PHLDB2: variants seen among roughly 807,000 people sequenced by gnomAD.
PHLDB2 encodes pleckstrin homology like domain family B member 2, also known as pleckstrin homology-like domain family B member 2.
A neutral mutation model predicts 123.6 loss-of-function variants in PHLDB2; 71 were observed. The ratio of observed to expected loss-of-function variants is 0.57; its 90% CI spans 0.47 to 0.70. The LOEUF (loss-of-function observed/expected upper bound fraction) is 0.70. Among genes scored for constraint, PHLDB2 ranks in the 30% least tolerant of loss-of-function variants. The pLI is 0.00. For missense variants in PHLDB2, 1,446 were observed against 1,519.5 expected (o/e 0.95, Z 0.80); for synonymous variants, 547 against 541.6 (o/e 1.01, Z -0.14).
At chr3:111,898,871 G>T (rs1406219912) in intron 2 of PHLDB2, among the ~76,000 whole-genome samples, 1 of 152,162 alleles carries the variant, frequency 6.6e-6, no homozygotes, top group Non-Finnish European at 1.5e-5. Flanking sequence ...TATCACATCT[G>T]CAGTTACTTC....
intron 1 of PHLDB2, among the ~76,000 whole-genome samples, chr3:111,760,952 C>T (rs1473790742): frequency 5.9e-5 from 9 of 151,822 alleles, no homozygotes; most frequent in East Asian, 1.9e-4. Flanking sequence ...TATGGGAGGC[C>T]GAGGCGGGTG....
At chr3:111,798,123 G>A (rs2061238485) in intron 1 of PHLDB2, among the ~76,000 whole-genome samples, 1 of 152,012 alleles carries the variant, frequency 6.6e-6, no homozygotes, top group African/African-American at 2.4e-5. Context: ...GACACAGTGA[G>A]ACCCTATCTC....
intron 1 of PHLDB2, among the ~76,000 whole-genome samples, chr3:111,870,630 A>G (rs73228535): frequency 0.11 from 15,778 of 150,096 alleles, 1,061 homozygotes; most frequent in Non-Finnish European, 0.15. Context: ...GTTGAACTAG[A>G]TTTTTTTTTT....
intron 2 of PHLDB2, among the ~76,000 whole-genome samples, chr3:111,906,681 A>T (rs1014552330): frequency 3.9e-5 from 6 of 152,198 alleles, no homozygotes; most frequent in African/African-American, 1.4e-4. Flanking sequence ...CAGTACAGTT[A>T]TCTATTATTC....
chr3:111,900,668 A>C (rs2067143199), intron 2 of PHLDB2, among the ~76,000 whole-genome samples: 1 of 152,338 alleles, frequency 6.6e-6, no homozygotes, highest in African/African-American at 2.4e-5. Context: ...AAAAAGTTTG[A>C]AATATTGTAA....
At chr3:111,803,489 C>A (rs1023756048) in intron 1 of PHLDB2, among the ~76,000 whole-genome samples, 2 of 151,958 alleles carry the variant, frequency 1.3e-5, no homozygotes, top group African/African-American at 4.8e-5. Context: ...CACCACTAGT[C>A]TTCCCAGAAT....
At chr3:111,867,751 G>T (rs910450566) in intron 1 of PHLDB2, among the ~76,000 whole-genome samples, 2 of 152,030 alleles carry the variant, frequency 1.3e-5, no homozygotes, top group African/African-American at 2.4e-5. Flanking sequence ...ACCCAGGCTG[G>T]AGTACAGTGG....
chr3:111,854,629 T>C (rs548271349), upstream of PHLDB2, among the ~76,000 whole-genome samples: 20 of 152,062 alleles, frequency 1.3e-4, no homozygotes, highest in Non-Finnish European at 2.9e-4. Flanking sequence ...AAGAGAACAA[T>C]AGCAAAAATA....
At chr3:111,948,833 G>A in intron 9 of PHLDB2, 99 bp from the exon 10 acceptor site, 1 of 1,117,536 alleles carries the variant, frequency 8.9e-7, no homozygotes, top group South Asian at 1.5e-5. Context: ...ATCTGGCTGT[G>A]CCGCTCTAAG....
chr3:111,936,586 TCTTA>T (rs1251611220), intron 6 of PHLDB2, among the ~76,000 whole-genome samples: 2 of 152,236 alleles, frequency 1.3e-5, no homozygotes, highest in Non-Finnish European at 2.9e-5. Flanking sequence ...TTTTCAACTT[TCTTA>T]CTTAGTATGC....
chr3:111,961,238 G>A (rs1297190398), intron 12 of PHLDB2, among the ~76,000 whole-genome samples: 1 of 152,206 alleles, frequency 6.6e-6, no homozygotes, highest in African/African-American at 2.4e-5. Flanking sequence ...GGCTGAGGCA[G>A]GAGAATTGCT....
At chr3:111,755,347 C>G (rs1310633617) in intron 1 of PHLDB2, among the ~76,000 whole-genome samples, 2 of 146,196 alleles carry the variant, frequency 1.4e-5, no homozygotes, top group African/African-American at 5.1e-5. Flanking sequence ...TTGGTCTATT[C>G]AGAGATTCAA....
chr3:111,823,191 T>C (rs2062490087), intron 1 of PHLDB2, among the ~76,000 whole-genome samples: 2 of 152,224 alleles, frequency 1.3e-5, no homozygotes, highest in Non-Finnish European at 2.9e-5. Flanking sequence ...ATCTCCTCCA[T>C]TTTGAGCCAA....
intron 1 of PHLDB2, among the ~76,000 whole-genome samples, chr3:111,813,779 C>T (rs566388847): frequency 1.3e-5 from 2 of 152,228 alleles, no homozygotes; most frequent in South Asian, 4.1e-4. Flanking sequence ...TGGATGCATA[C>T]AATTCATTGT....
At chr3:111,932,827 C>G (rs895897424) in intron 6 of PHLDB2, among the ~76,000 whole-genome samples, 21 of 152,146 alleles carry the variant, frequency 1.4e-4, no homozygotes, top group Non-Finnish European at 2.9e-4. Context: ...GATTTGCTCC[C>G]CACCAGCAGC....
rs1281444931 is a variant in PHLDB2, at chr3:111,884,191, C to T, written c.114C>T (p.Leu38=). The T allele has an allele frequency of 1.9e-6, 3 of 1,614,170 alleles. No homozygotes were observed. Among genetic ancestry groups the T allele is most frequent in the East Asian group, 2.2e-5 (1 of 44,884 alleles). Residue 38 remains leucine, a synonymous_variant, in exon 2 of 18, where the codon CTC becomes CTT. Coordinates refer to ENST00000431670, the MANE Select transcript of PHLDB2 (RefSeq NM_001134438.2). The part of the protein sequence containing the change: ...ENDSQNMMES[L]SPKKYSSSLR... ...ATTCCCAAAACATGATGGAGAGCCT[C>T]AGCCCAAAGAAATACTCTTCCAGTC...
At chr3:111,755,260 A>G (rs1184010175) in intron 1 of PHLDB2, among the ~76,000 whole-genome samples, 44 of 135,810 alleles carry the variant, frequency 3.2e-4, no homozygotes, top group Non-Finnish European at 3.0e-4. Flanking sequence ...GGTAGAATTC[A>G]GCTGTGAATC....
intron 1 of PHLDB2, among the ~76,000 whole-genome samples, chr3:111,819,771 A>T (rs1453008417): frequency 6.6e-6 from 1 of 152,228 alleles, no homozygotes; most frequent in Non-Finnish European, 1.5e-5. Context: ...TTTAGAATAT[A>T]CAATGACTTA....
intron 1 of PHLDB2, among the ~76,000 whole-genome samples, chr3:111,875,936 A>G (rs1005697138): frequency 3.3e-5 from 5 of 152,266 alleles, no homozygotes; most frequent in Middle Eastern, 6.8e-3. Context: ...AAATGGTCCA[A>G]ATGTATTATA....
Sources: allele counts gnomAD v4.1 joint callset (sites outside exome capture counted in the v4.1 genomes callset), GRCh38; gene constraint gnomAD v4.1.1; transcripts MANE v1.5; gene names NCBI Gene and HGNC (gene_info 2026-07-23, HGNC 2026-07-21).